Variants in LARS1 observed in about 807,000 individuals in gnomAD.
The protein encoded by LARS1 is leucine--tRNA ligase, cytoplasmic.
Under a neutral mutation model 162.8 loss-of-function variants are expected in LARS1, and 100 were observed. That is an observed-to-expected ratio of 0.61 (90% CI 0.52 to 0.73). The LOEUF is 0.73. Ranked by LOEUF, LARS1 falls within the 30% of genes least tolerant of loss-of-function variation. The pLI is 0.00. For synonymous variants in LARS1, 457 were observed against 462.8 expected, an observed-to-expected ratio of 0.99 and a Z score of 0.16; for missense variants, 1,258 against 1,408.9, an observed-to-expected ratio of 0.89 and a Z score of 1.71.
Position 146,182,499 on chromosome 5 carries a change from C to T in LARS1, c.-6G>A. 1 of 1,613,930 alleles carries T rather than the reference C, an allele frequency of 6.2e-7. No individual in the cohort carries two copies. The highest frequency in any genetic ancestry group is 8.5e-7 in the Non-Finnish European group (1 of 1,179,870). ...TCGCTCAAACTCACCGCCATTGCAC[C>T]GCCCAGCCGACTGTGCAAATCCACG... On this transcript the variant is annotated 5_prime_UTR_variant, in exon 1 of 32. Coordinates refer to ENST00000394434, the MANE Select transcript of LARS1 (RefSeq NM_020117.11).
intron 24 of LARS1, 130 bp from the exon 25 acceptor site, chr5:146,130,288 T>C (rs191151724): frequency 1.2e-6 from 1 of 853,302 alleles, no homozygotes; most frequent in East Asian, 2.6e-5. Context: ...AACAAATTAC[T>C]GTAAAGGTTT....
intron 21 of LARS1, 62 bp downstream of exon 21, chr5:146,140,142 A>C: frequency 7.6e-7 from 1 of 1,309,764 alleles, no homozygotes; most frequent in Non-Finnish European, 1.1e-6. Flanking sequence ...AAAAAGTGCA[A>C]CAACCTAAAT....
chr5:146,169,293 A>C (rs1258532253), intron 4 of LARS1, among the ~76,000 whole-genome samples: 1 of 152,170 alleles, frequency 6.6e-6, no homozygotes, highest in Non-Finnish European at 1.5e-5. Context: ...AGCTCTTATC[A>C]ATTATACCAC....
At chr5:146,116,213 A>G (rs978467270) in intron 31 of LARS1, among the ~76,000 whole-genome samples, 6 of 152,222 alleles carry the variant, frequency 3.9e-5, no homozygotes, top group African/African-American at 1.4e-4. Context: ...ATTTTGGGGA[A>G]GAATACAATT....
intron 5 of LARS1, among the ~76,000 whole-genome samples, chr5:146,167,578 T>C (rs772761546): frequency 2.0e-5 from 3 of 151,272 alleles, no homozygotes; most frequent in Admixed American, 2.0e-4. Context: ...TAATTTTTTG[T>C]AGAGATGGGG....
chr5:146,149,862 T>C (rs563132251), intron 14 of LARS1, among the ~76,000 whole-genome samples, 163 bp from the exon 15 acceptor site: 1 of 152,314 alleles, frequency 6.6e-6, no homozygotes, highest in East Asian at 1.9e-4. Flanking sequence ...TGGTATAGCA[T>C]GGATAACTAA....
chr5:146,125,847 G>A (rs1439779424), intron 28 of LARS1, among the ~76,000 whole-genome samples: 7 of 152,006 alleles, frequency 4.6e-5, no homozygotes, highest in African/African-American at 1.4e-4. Context: ...GAAGTGGAAG[G>A]TGATTCTGCC....
At chr5:146,144,211 T>C (rs912067013) in intron 18 of LARS1, 56 bp downstream of exon 18, 29 of 1,308,510 alleles carry the variant, frequency 2.2e-5, no homozygotes, top group Non-Finnish European at 3.0e-5. Flanking sequence ...TAAAAATGTA[T>C]ATTTTCTGTG....
intron 2 of LARS1, among the ~76,000 whole-genome samples, chr5:146,177,262 C>T (rs1207803675): frequency 6.6e-6 from 1 of 151,288 alleles, no homozygotes; most frequent in Non-Finnish European, 1.5e-5. Context: ...GTCAGAAGAT[C>T]GAGACCACCC....
chr5:146,122,185 T>C (rs1003943328), intron 30 of LARS1, among the ~76,000 whole-genome samples: 1 of 152,094 alleles, frequency 6.6e-6, no homozygotes, highest in African/African-American at 2.4e-5. Context: ...GTCCTACATT[T>C]CCAGTATTTT....
intron 20 of LARS1, among the ~76,000 whole-genome samples, chr5:146,140,663 G>A (rs560769148): frequency 4.6e-5 from 7 of 152,282 alleles, no homozygotes; most frequent in South Asian, 4.1e-4. Flanking sequence ...AATATTAGCC[G>A]GGTGTGGTGG....
chr5:146,117,559 G>A (rs1461338272), intron 31 of LARS1, among the ~76,000 whole-genome samples: 1 of 152,202 alleles, frequency 6.6e-6, no homozygotes. Context: ...GCAGTGAGCT[G>A]AGATTGTGCC....
At chr5:146,138,262 G>A in intron 21 of LARS1, 1 of 189,762 alleles carries the variant, frequency 5.3e-6, no homozygotes, top group Non-Finnish European at 1.2e-5. Context: ...GTAATCTGGG[G>A]AAAGGTAACT....
chr5:146,122,140 T>C (rs1751850155), intron 30 of LARS1, among the ~76,000 whole-genome samples: 1 of 152,072 alleles, frequency 6.6e-6, no homozygotes, highest in Non-Finnish European at 1.5e-5. Context: ...AAGACTCATC[T>C]GAGGTTTAAA....
intron 4 of LARS1, among the ~76,000 whole-genome samples, chr5:146,169,405 G>A (rs1230596040): frequency 6.6e-6 from 1 of 152,076 alleles, no homozygotes; most frequent in Non-Finnish European, 1.5e-5. Context: ...AATGGAAAAG[G>A]CTCTTCTATT....
rs141205004 is a variant in LARS1, at chr5:146,125,002, T to TACACACACACAC, written c.2992-928_2992-917dup. On this transcript the variant is annotated intron_variant, in intron 28 of 31. Transcript: ENST00000394434. The stretch of plus-strand genomic sequence containing the variant: ...AACTCTTGAATCTAATATCATTTTA[T>TACACACACACAC]ACACACACACACACGCACACACACA... Among the ~76,000 whole-genome samples, 3 of 150,948 alleles carry TACACACACACAC rather than the reference T, an allele frequency of 2.0e-5. No homozygotes were observed. The South Asian group carries it at 6.3e-4, about 31-fold the overall frequency.
chr5:146,173,163 C>CTGGTG (rs1479065929), intron 2 of LARS1, among the ~76,000 whole-genome samples: 17 of 151,962 alleles, frequency 1.1e-4, no homozygotes, highest in African/African-American at 4.1e-4. Context: ...GCCTGGGCAA[C>CTGGTG]ATGGTGAAAC....
intron 28 of LARS1, among the ~76,000 whole-genome samples, chr5:146,125,012 C>A (rs1038493232): frequency 4.0e-5 from 6 of 151,872 alleles, no homozygotes; most frequent in Non-Finnish European, 8.8e-5. Flanking sequence ...TACACACACA[C>A]ACACGCACAC....
intron 4 of LARS1, among the ~76,000 whole-genome samples, chr5:146,170,075 A>G (rs1754193156): frequency 2.0e-5 from 3 of 152,214 alleles, no homozygotes. Flanking sequence ...TCTACAAAAT[A>G]ACTAGCTTAG....
Sources: gnomAD v4.1 joint callset for allele counts (sites outside exome capture counted in the v4.1 genomes callset) on GRCh38, gnomAD v4.1.1 for gene constraint, MANE v1.5 for transcripts, NCBI Gene and HGNC (gene_info 2026-07-23, HGNC 2026-07-21) for gene names.